ADAMTS3: variants seen among roughly 807,000 people sequenced by gnomAD.
ADAMTS3 encodes the protein A disintegrin and metalloproteinase with thrombospondin motifs 3.
Under a neutral mutation model 129.0 loss-of-function variants are expected in ADAMTS3, and 73 were observed. The observed-to-expected ratio is 0.57, with a 90% CI of 0.47 to 0.69. The LOEUF (loss-of-function observed/expected upper bound fraction) is 0.69, where lower values mean the gene tolerates loss of function less well. Among genes scored for constraint, ADAMTS3 ranks in the 30% least tolerant of loss-of-function variants. ADAMTS3 has a pLI of 0.00. For synonymous variants in ADAMTS3, 477 were observed against 510.8 expected, an observed-to-expected ratio of 0.93 and a Z score of 0.89; for missense variants, 1,457 against 1,514.5, an observed-to-expected ratio of 0.96 and a Z score of 0.63.
intron 3 of ADAMTS3, among the ~76,000 whole-genome samples, chr4:72,541,720 C>G (rs1020904323): frequency 5.3e-5 from 8 of 152,250 alleles, no homozygotes; most frequent in African/African-American, 1.9e-4. Flanking sequence ...GGGCAGTTCC[C>G]CTGCACATGC....
At chr4:72,371,482 A>T (rs1396312679) in intron 4 of ADAMTS3, among the ~76,000 whole-genome samples, 1 of 149,744 alleles carries the variant, frequency 6.7e-6, no homozygotes, top group Non-Finnish European at 1.5e-5. Flanking sequence ...AATAAAGTAG[A>T]TGCAGCTATA....
chr4:72,429,724 A>C (rs1399201456), intron 3 of ADAMTS3, among the ~76,000 whole-genome samples: 1 of 152,084 alleles, frequency 6.6e-6, no homozygotes. Flanking sequence ...TAAAATTAGT[A>C]GTGACAGGTA....
chr4:72,282,638 G>A lies in ADAMTS3; in HGVS notation c.*498C>T, dbSNP rs992364930. ...AGAACACATCTCTTAAAATAATACT[G>A]ATTTTTGCAATATACAGTATTTACA... On this transcript the variant is annotated 3_prime_UTR_variant, in exon 22 of 22. Coordinates refer to ENST00000286657, the MANE Select transcript of ADAMTS3 (RefSeq NM_014243.3). The A allele has an allele frequency of 6.5e-6, 1 of 152,728 alleles. No individual in the cohort carries two copies. Among genetic ancestry groups the A allele is most frequent in the Non-Finnish European group, 1.5e-5 (1 of 68,204 alleles). 9.5% of individuals were successfully genotyped at this position (152,728 alleles called of 1,614,324 possible).
chr4:72,536,525 T>C (rs1393598092), intron 3 of ADAMTS3, among the ~76,000 whole-genome samples: 3 of 152,186 alleles, frequency 2.0e-5, no homozygotes, highest in East Asian at 1.9e-4. Flanking sequence ...TTCAGTAACA[T>C]TGATTTCCTA....
At chr4:72,454,165 T>TATTTTTTATTGTTTTG (rs1390454108) in intron 3 of ADAMTS3, among the ~76,000 whole-genome samples, 1 of 151,554 alleles carries the variant, frequency 6.6e-6, no homozygotes, top group East Asian at 1.9e-4. Flanking sequence ...CTGTTCATTT[T>TATTTTTTATTGTTTTG]ATTTTTTATT....
chr4:72,492,574 ATTT>A (rs1719775540), intron 3 of ADAMTS3, among the ~76,000 whole-genome samples: 1 of 151,718 alleles, frequency 6.6e-6, no homozygotes, highest in African/African-American at 2.4e-5. Flanking sequence ...AGAAAAAGTG[ATTT>A]TTATTTTGGA....
In ADAMTS3 at chr4:72,540,630, T is replaced by C. The variant is rs569263538; in HGVS notation, c.504+7848A>G. Among the ~76,000 whole-genome samples the C allele has an allele frequency of 1.5e-4, 23 of 152,294 alleles. 1 individual carries two copies. In the South Asian group the frequency reaches 4.1e-3, roughly 27 times the overall value. ...GGTCTAGGAGGAAAACATGATTTCA[T>C]GGGCCAGGCCCAGCGTTGTCATGCT... On this transcript the variant is annotated intron_variant, in intron 3 of 21. Transcript: ENST00000286657.
chr4:72,529,199 G>T (rs1357811113), intron 3 of ADAMTS3, among the ~76,000 whole-genome samples: 1 of 152,164 alleles, frequency 6.6e-6, no homozygotes, highest in South Asian at 2.1e-4. Flanking sequence ...AGACAAAAAG[G>T]CCAGAATGGC....
chr4:72,332,877 C>G (rs1719886228), intron 5 of ADAMTS3, among the ~76,000 whole-genome samples: 1 of 152,118 alleles, frequency 6.6e-6, no homozygotes, highest in Non-Finnish European at 1.5e-5. Context: ...GACACAGAAA[C>G]AGATAAAGGA....
chr4:72,515,308 G>A (rs1459025883), intron 3 of ADAMTS3, among the ~76,000 whole-genome samples: 3 of 151,126 alleles, frequency 2.0e-5, no homozygotes, highest in Non-Finnish European at 4.4e-5. Flanking sequence ...ATGTGCATGT[G>A]TCTTTATAGC....
chr4:72,439,796 T>C (rs1378878635), intron 3 of ADAMTS3, among the ~76,000 whole-genome samples: 4 of 151,592 alleles, frequency 2.6e-5, no homozygotes, highest in Non-Finnish European at 5.9e-5. Context: ...TACCGTGGCA[T>C]AGTAATATTG....
chr4:72,555,677 A>C (rs922430844), intron 2 of ADAMTS3, among the ~76,000 whole-genome samples: 9 of 151,836 alleles, frequency 5.9e-5, no homozygotes, highest in Non-Finnish European at 1.3e-4. Flanking sequence ...CTATGTTTAA[A>C]TGGCTTGGTA....
intron 3 of ADAMTS3, among the ~76,000 whole-genome samples, chr4:72,455,892 A>ATGTATAG (rs1718549300): frequency 1.7e-5 from 2 of 118,428 alleles, no homozygotes; most frequent in Non-Finnish European, 3.4e-5. Context: ...TATATATTTT[A>ATGTATAG]TATATAGTAT....
chr4:72,478,829 A>G (rs1046911737), intron 3 of ADAMTS3, among the ~76,000 whole-genome samples: 4 of 151,952 alleles, frequency 2.6e-5, no homozygotes, highest in African/African-American at 9.7e-5. Context: ...TAAGCTGATA[A>G]GCAACTTCAG....
rs369317386 is a variant in ADAMTS3 at position 72,378,436 on chromosome 4, T to C, written c.661+36379A>G. On this transcript the variant is annotated intron_variant, in intron 4 of 21. Transcript: ENST00000286657. ...CAGAAACTATTTATATCAATGACTATTTTCATAGTTATCATATTATTGTTA... is the reference window on the plus strand; with the variant it reads ...CAGAAACTATTTATATCAATGACTACTTTCATAGTTATCATATTATTGTTA... 1.2e-3 allele frequency among the ~76,000 whole-genome samples: 190 copies of C among 152,318 alleles called. 3 individuals are homozygous for C. The South Asian group carries it at 0.038, about 30-fold the overall frequency.
intron 4 of ADAMTS3, among the ~76,000 whole-genome samples, chr4:72,352,994 T>A (rs1163093355): frequency 2.6e-5 from 4 of 152,024 alleles, no homozygotes; most frequent in African/African-American, 9.7e-5. Context: ...GTACCATGCT[T>A]ACTATCTTGG....
At chr4:72,289,352 A>G (rs1718599264) in intron 20 of ADAMTS3, among the ~76,000 whole-genome samples, 1 of 152,198 alleles carries the variant, frequency 6.6e-6, no homozygotes, top group Non-Finnish European at 1.5e-5. Context: ...CTTCTTTCTT[A>G]CAGATAGCAG....
At chr4:72,478,238 A>G (rs1719302015) in intron 3 of ADAMTS3, among the ~76,000 whole-genome samples, 1 of 152,138 alleles carries the variant, frequency 6.6e-6, no homozygotes, top group South Asian at 2.1e-4. Context: ...AGACACAACT[A>G]AAAAAGAGAA....
At chr4:72,455,068 C>T (rs1208238257) in intron 3 of ADAMTS3, among the ~76,000 whole-genome samples, 1 of 151,548 alleles carries the variant, frequency 6.6e-6, no homozygotes, top group Non-Finnish European at 1.5e-5. Flanking sequence ...TGACTATATG[C>T]ACATGTTTTA....
Sources: allele counts gnomAD v4.1 joint callset (sites outside exome capture counted in the v4.1 genomes callset), GRCh38; gene constraint gnomAD v4.1.1; transcripts MANE v1.5; gene names NCBI Gene and HGNC (gene_info 2026-07-23, HGNC 2026-07-21).